The following COLQ variants were observed in gnomAD, a reference collection of about 807,000 sequenced individuals.
COLQ encodes the protein collagen like tail subunit of asymmetric acetylcholinesterase.
In COLQ, 48 loss-of-function variants were observed where a neutral mutation model predicts 69.0. The observed-to-expected ratio is 0.70, with a 90% confidence interval of 0.55 to 0.88. The LOEUF (loss-of-function observed/expected upper bound fraction) is 0.88, where lower values mean the gene tolerates loss of function less well. Among genes scored for constraint, COLQ ranks in the 40% least tolerant of loss-of-function variants. The probability of loss-of-function intolerance (pLI) is 0.00; values close to 1 mark genes in which losing one functional copy is unlikely to be tolerated. For missense variants in COLQ, 618 were observed against 594.6 expected (o/e 1.04, Z -0.41); for synonymous variants, 217 against 211.2 (o/e 1.03, Z -0.24).
At chr3:15,468,482 C>T (rs2062234667) in intron 11 of COLQ, among the ~76,000 whole-genome samples, 1 of 151,986 alleles carries the variant, frequency 6.6e-6, no homozygotes, top group Admixed American at 6.6e-5. Context: ...AGGTGTGTGC[C>T]ACCATGCCCA....
rs371351288 is a variant in COLQ, at chr3:15,453,822, T to A, written c.1298+7A>T. On this transcript the variant is annotated splice_region_variant and intron_variant, in intron 16 of 16. Transcript: ENST00000383788. ...GGGGGAGAGGGAGGGAGGGGAGTCA[T>A]CCCTACCCAGGGAGATAGGTCTCGC... 4 of 1,584,824 alleles carry A rather than the reference T, an allele frequency of 2.5e-6. No homozygotes were observed. The highest frequency in any genetic ancestry group is 1.1e-5 in the South Asian group (1 of 88,968).
chr3:15,482,850 T>G (rs1176954825), intron 3 of COLQ, among the ~76,000 whole-genome samples: 1 of 152,190 alleles, frequency 6.6e-6, no homozygotes, highest in Non-Finnish European at 1.5e-5. Context: ...TGGACTTTTT[T>G]TGGTTGGTAG....
intron 3 of COLQ, among the ~76,000 whole-genome samples, chr3:15,487,520 C>T (rs764718729): frequency 1.3e-5 from 2 of 152,188 alleles, no homozygotes; most frequent in Non-Finnish European, 2.9e-5. Flanking sequence ...GTCATTTTTA[C>T]GCCCCCTGCA....
chr3:15,507,533 C>T (rs550048369), intron 1 of COLQ, among the ~76,000 whole-genome samples: 1 of 152,242 alleles, frequency 6.6e-6, no homozygotes, highest in East Asian at 1.9e-4. Flanking sequence ...CAGTTCACTG[C>T]AGCCTTGACC....
chr3:15,514,640 A>G (rs2063033139), intron 1 of COLQ, among the ~76,000 whole-genome samples: 1 of 152,308 alleles, frequency 6.6e-6, no homozygotes, highest in South Asian at 2.1e-4. Context: ...TAGACTGTTG[A>G]CTTTCAAACT....
chr3:15,502,556 C>G (rs930076440), intron 1 of COLQ, among the ~76,000 whole-genome samples: 1 of 152,066 alleles, frequency 6.6e-6, no homozygotes, highest in Non-Finnish European at 1.5e-5. Flanking sequence ...CCTGGAATTA[C>G]AGGAAAAACA....
intron 12 of COLQ, among the ~76,000 whole-genome samples, chr3:15,462,319 C>T (rs1559514326): frequency 2.0e-5 from 3 of 152,178 alleles, no homozygotes; most frequent in South Asian, 2.1e-4. Flanking sequence ...CGTAAGCCAC[C>T]GCGCCCGGCT....
At chr3:15,504,066 T>G (rs1018714769) in intron 1 of COLQ, among the ~76,000 whole-genome samples, 3 of 151,060 alleles carry the variant, frequency 2.0e-5, no homozygotes, top group African/African-American at 7.3e-5. Context: ...TTCAATCAGG[T>G]GTGCTGGTGG....
chr3:15,474,191 A>T, intron 9 of COLQ, 37 bp downstream of exon 9: 1 of 1,612,850 alleles, frequency 6.2e-7, no homozygotes, highest in Non-Finnish European at 8.5e-7. Flanking sequence ...ACTTGCACTG[A>T]CATTTATCAT....
chr3:15,463,188 G>T (rs1396331339), intron 12 of COLQ, among the ~76,000 whole-genome samples: 2 of 152,090 alleles, frequency 1.3e-5, no homozygotes, highest in Non-Finnish European at 2.9e-5. Context: ...TCAGGTGAGG[G>T]CTGGCCTTTA....
intron 12 of COLQ, among the ~76,000 whole-genome samples, chr3:15,463,420 T>C (rs1014604827): frequency 6.6e-6 from 1 of 151,884 alleles, no homozygotes; most frequent in East Asian, 1.9e-4. Context: ...GATCTTGGCT[T>C]ACTGCAAGCT....
chr3:15,460,283 T>C (rs2062092410), intron 12 of COLQ, among the ~76,000 whole-genome samples: 1 of 152,126 alleles, frequency 6.6e-6, no homozygotes, highest in African/African-American at 2.4e-5. Context: ...GCCGACTAAT[T>C]GGAGAGAAAA....
At chr3:15,510,104 A>G (rs1457782146) in intron 1 of COLQ, among the ~76,000 whole-genome samples, 1 of 151,926 alleles carries the variant, frequency 6.6e-6, no homozygotes, top group Non-Finnish European at 1.5e-5. Flanking sequence ...TGAGCCCCGG[A>G]GGCAGAGCTT....
chr3:15,499,452 G>T (rs2062801615), intron 1 of COLQ, among the ~76,000 whole-genome samples: 1 of 152,126 alleles, frequency 6.6e-6, no homozygotes, highest in Admixed American at 6.5e-5. Context: ...AGGCTTTGTG[G>T]GTCACATGGT....
At position 15,470,596 on chromosome 3, in the gene COLQ, A is replaced by T; in HGVS notation, c.657T>A (p.Gly219=). The change falls in exon 11 of 17, where the codon GGT becomes GGA. Residue 219 remains glycine, a synonymous_variant. Transcript: ENST00000383788. ...CTCGGTGTCCTGCTATCCCAGGTTC[A>T]CCTTTTGGACCCATTTCACCCTGGA... is the stretch of plus-strand genomic sequence containing the variant. ...LGQKGEMGPK[G]EPGIAGHRGP... 1 of 1,613,708 alleles carries T rather than the reference A, an allele frequency of 6.2e-7. No individual in the cohort carries two copies. The highest frequency in any genetic ancestry group is 1.1e-5 in the South Asian group (1 of 91,058).
chr3:15,478,934 CACAGACGCTCATGTGACACTCACAGA>C lies in COLQ; in HGVS notation c.393+17_393+42del. ...TAGGAGTGCATGCACACACATGAAG[CACAGACGCTCATGTGACACTCACAGA>C]ACAGCGCAGACCATACCTTCCTTCC... On this transcript the variant is annotated intron_variant, in intron 5 of 16. Coordinates refer to ENST00000383788, the MANE Select transcript of COLQ (RefSeq NM_005677.4). 1 of 1,613,368 alleles carries C rather than the reference CACAGACGCTCATGTGACACTCACAGA, an allele frequency of 6.2e-7. No individual in the cohort carries two copies. Among genetic ancestry groups the C allele is most frequent in the East Asian group, 2.2e-5 (1 of 44,880 alleles).
In COLQ at chr3:15,518,346, T is replaced by TC. The variant is rs544488826; in HGVS notation, c.106+3173dup. 3.9e-4 allele frequency among the ~76,000 whole-genome samples: 60 copies of TC among 152,300 alleles called. No homozygotes were observed. In the East Asian group the frequency reaches 0.011, roughly 28 times the overall value. ...CATTGTGTCTAGCTTAAGCAGCAAC[T>TC]CCTCCCTCCCCAATTTAATATGCTA... On this transcript the variant is annotated intron_variant, in intron 1 of 16. Coordinates refer to ENST00000383788, the MANE Select transcript of COLQ (RefSeq NM_005677.4).
rs1559511777 is a variant in COLQ, at chr3:15,455,949, G to A, written c.1145C>T (p.Pro382Leu). ...HGTCGDGLLQ[P>L]GEECDDGNSD... ...GTTACCGTCGTCACACTCCTCCCCA[G>A]GCTGCAGGAGCCCATCCCCACAGGT... Residue 382 changes from proline to leucine, a missense_variant, in exon 15 of 17, where the codon CCT becomes CTT. Transcript: ENST00000383788. 1 of 1,614,168 alleles carries A rather than the reference G, an allele frequency of 6.2e-7. No homozygotes were observed. The highest frequency in any genetic ancestry group is 2.2e-5 in the East Asian group (1 of 44,882).
intron 9 of COLQ, 56 bp downstream of exon 9, chr3:15,474,172 G>A (rs758588615): frequency 1.2e-5 from 20 of 1,605,880 alleles, no homozygotes; most frequent in Non-Finnish European, 5.1e-6. Context: ...GGGGTGGGTG[G>A]GGGCTGCTAC....
Sources: gnomAD v4.1 joint callset for allele counts (sites outside exome capture counted in the v4.1 genomes callset) on GRCh38, gnomAD v4.1.1 for gene constraint, MANE v1.5 for transcripts, NCBI Gene and HGNC (gene_info 2026-07-23, HGNC 2026-07-21) for gene names.